Variants in INSL6 observed in about 807,000 individuals in gnomAD.
The protein encoded by INSL6 is insulin-like peptide INSL6.
A neutral mutation model predicts 9.4 loss-of-function variants in INSL6; 16 were observed. The observed-to-expected ratio is 1.70, with a 90% CI of 1.15 to 2.59. INSL6 has a LOEUF of 2.59. INSL6 is among the 30% of genes most tolerant of loss of function. The pLI is 0.00. For missense variants in INSL6, 391 were observed against 257.3 expected (o/e 1.52, Z -3.56); for synonymous variants, 154 against 96.9 (o/e 1.59, Z -3.46).
chr9:5,155,218 C>G (rs1457234776), intron 2 of INSL6, among the ~76,000 whole-genome samples: 1 of 151,252 alleles, frequency 6.6e-6, no homozygotes. Flanking sequence ...AGCAAAGTAT[C>G]CCAAGGACAA....
the INSL6 span, among the ~76,000 whole-genome samples, chr9:5,091,854 T>C: frequency 2.0e-5 from 3 of 152,082 alleles, no homozygotes; most frequent in African/African-American, 7.2e-5. Context: ...TTGTTAGTTA[T>C]GAAATTAAGC....
the INSL6 span, among the ~76,000 whole-genome samples, chr9:5,030,166 A>C: frequency 6.6e-6 from 1 of 152,202 alleles, no homozygotes; most frequent in African/African-American, 2.4e-5. Flanking sequence ...TTAAATAAGT[A>C]AACAAAATCA....
At chr9:5,137,407 G>C (rs1469709282) in intron 2 of INSL6, among the ~76,000 whole-genome samples, 1 of 152,086 alleles carries the variant, frequency 6.6e-6, no homozygotes, top group African/African-American at 2.4e-5. Context: ...GCATGGTATT[G>C]GTATCAAAAC....
the INSL6 span, among the ~76,000 whole-genome samples, chr9:5,063,204 T>C: frequency 2.0e-5 from 3 of 152,204 alleles, no homozygotes; most frequent in Admixed American, 1.3e-4. Flanking sequence ...TTTTCGTTCT[T>C]ATATAACTTT....
At chr9:5,169,945 T>A (rs1825140909) in intron 1 of INSL6, among the ~76,000 whole-genome samples, 1 of 152,298 alleles carries the variant, frequency 6.6e-6, no homozygotes, top group East Asian at 1.9e-4. Context: ...ACTGTCAACA[T>A]GAGACTGATT....
intron 2 of INSL6, among the ~76,000 whole-genome samples, chr9:5,149,689 C>T (rs529413408): frequency 6.8e-5 from 9 of 131,414 alleles, no homozygotes; most frequent in African/African-American, 2.6e-4. Flanking sequence ...AATACAATTC[C>T]TATCAAAATA....
intron 2 of INSL6, among the ~76,000 whole-genome samples, chr9:5,154,385 G>A (rs1824775553): frequency 6.6e-6 from 1 of 152,094 alleles, no homozygotes; most frequent in Admixed American, 6.5e-5. Flanking sequence ...AGAAAACCTA[G>A]GCAATACCAT....
chr9:5,123,079 T>A, downstream of INSL6: 1 of 1,611,580 alleles, frequency 6.2e-7, no homozygotes, highest in Non-Finnish European at 8.5e-7. Context: ...TGGTTCTGTA[T>A]GAACTTTTCA....
At chr9:5,112,558 G>T in the INSL6 span, 1 of 625,992 alleles carries the variant, frequency 1.6e-6, no homozygotes, top group Admixed American at 2.6e-5. Context: ...GGCCAATAAC[G>T]CCAGGGAGCG....
At chr9:5,113,190 GCTTTTTT>G in the INSL6 span, among the ~76,000 whole-genome samples, 4 of 107,742 alleles carry the variant, frequency 3.7e-5, no homozygotes, top group African/African-American at 1.6e-4. Flanking sequence ...GCTGGCAGGA[GCTTTTTT>G]TTTTTTTTTT....
At chr9:5,085,524 C>G in the INSL6 span, 1 of 716,074 alleles carries the variant, frequency 1.4e-6, no homozygotes, top group Non-Finnish European at 2.6e-6. Context: ...CACCACACAC[C>G]AAATCTTCAA....
the INSL6 span, among the ~76,000 whole-genome samples, chr9:5,000,350 C>T: frequency 1.1e-3 from 163 of 152,012 alleles, 1 homozygote; most frequent in African/African-American, 3.3e-3. Flanking sequence ...TGTCCAATTT[C>T]GAATGTGTAA....
chr9:5,044,447 A>T, the INSL6 span: 2 of 1,613,402 alleles, frequency 1.2e-6, no homozygotes, highest in Non-Finnish European at 1.7e-6. Context: ...AACAGAGCCT[A>T]TCGGCATGGA....
the INSL6 span, among the ~76,000 whole-genome samples, chr9:5,016,161 A>G: frequency 6.6e-6 from 1 of 152,298 alleles, no homozygotes; most frequent in African/African-American, 2.4e-5. Flanking sequence ...CTACTGCTAT[A>G]GTGTTGGATA....
the INSL6 span, among the ~76,000 whole-genome samples, chr9:5,004,820 A>T: frequency 6.6e-6 from 1 of 151,900 alleles, no homozygotes; most frequent in African/African-American, 2.4e-5. Context: ...GATAAGGCTC[A>T]TTGTAACAGG....
chr9:5,004,154 C>A, the INSL6 span, among the ~76,000 whole-genome samples: 1 of 152,092 alleles, frequency 6.6e-6, no homozygotes, highest in African/African-American at 2.4e-5. Flanking sequence ...CACTTAAAAT[C>A]TACTCTTAGC....
chr9:5,127,802 C>T (rs1824095420), intron 3 of INSL6: 1 of 232,416 alleles, frequency 4.3e-6, no homozygotes, highest in Non-Finnish European at 8.5e-6. Flanking sequence ...GAATTTTTTC[C>T]TAAAGACTGT....
At chr9:5,085,184 A>G in the INSL6 span, 1 of 656,500 alleles carries the variant, frequency 1.5e-6, no homozygotes, top group Admixed American at 1.8e-5. Context: ...AAACTGAACC[A>G]TCTCATGATC....
the INSL6 span, among the ~76,000 whole-genome samples, chr9:5,065,975 A>G: frequency 6.6e-6 from 1 of 152,196 alleles, no homozygotes; most frequent in Non-Finnish European, 1.5e-5. Context: ...TGTAATTTAC[A>G]TGTTTAATAT....
Sources: gnomAD v4.1 joint callset for allele counts (sites outside exome capture counted in the v4.1 genomes callset) on GRCh38, gnomAD v4.1.1 for gene constraint, MANE v1.5 for transcripts, NCBI Gene and HGNC (gene_info 2026-07-23, HGNC 2026-07-21) for gene names.